Variants in LILRA2 observed in about 807,000 individuals in gnomAD.
LILRA2 encodes leukocyte immunoglobulin-like receptor subfamily A member 2.
In LILRA2, 45 loss-of-function variants were observed where a neutral mutation model predicts 47.9. The ratio of observed to expected loss-of-function variants is 0.94; its 90% CI spans 0.74 to 1.20. The LOEUF is 1.20. Among genes scored for constraint, LILRA2 ranks in the 50% most tolerant of loss-of-function variants. The pLI is 0.00. For missense variants in LILRA2, 651 were observed against 598.2 expected (o/e 1.09, Z -0.92); for synonymous variants, 279 against 249.2 (o/e 1.12, Z -1.13).
At chr19:54,584,168 TG>T (rs2062727602) in intron 6 of LILRA2, among the ~76,000 whole-genome samples, 1 of 152,242 alleles carries the variant, frequency 6.6e-6, no homozygotes, top group Admixed American at 6.5e-5. Context: ...CTTTTCTTTT[TG>T]GGTAACCAGA....
At chr19:54,585,515 C>G (rs913627933) in intron 6 of LILRA2, among the ~76,000 whole-genome samples, 1 of 152,252 alleles carries the variant, frequency 6.6e-6, no homozygotes, top group African/African-American at 2.4e-5. Context: ...GCCCTTCCCT[C>G]CATCCAGCTG....
At chr19:54,578,728 C>T (rs532462730) in intron 6 of LILRA2, among the ~76,000 whole-genome samples, 1 of 152,320 alleles carries the variant, frequency 6.6e-6, no homozygotes, top group South Asian at 2.1e-4. Flanking sequence ...AACTAATTTA[C>T]ACTCCCACCA....
chr19:54,573,546 G>A, upstream of LILRA2: 2 of 797,560 alleles, frequency 2.5e-6, no homozygotes, highest in East Asian at 2.6e-5. Flanking sequence ...ATCTGGAAGG[G>A]CAGACGCAGG....
chr19:54,573,602 T>G (rs2062215759), upstream of LILRA2: 2 of 775,784 alleles, frequency 2.6e-6, no homozygotes, highest in South Asian at 3.3e-5. Context: ...CTCAAGGAGA[T>G]GAGGATAAAC....
Position 54,590,020 on chromosome 19 carries a change from A to G in LILRA2, c.*2674A>G, listed in dbSNP as rs2062899872. On this transcript the variant is annotated 3_prime_UTR_variant, in exon 8 of 8. Coordinates refer to ENST00000391738, the MANE Select transcript of LILRA2 (RefSeq NM_001130917.3). ...TATTCTAGATATCGTTTGCTCTATC[A>G]TAGTTAAGACATTAATGTTATTTAT... 6.6e-6 allele frequency: 1 copy of G among 152,118 alleles called. No individual in the cohort carries two copies. The highest frequency in any genetic ancestry group is 2.4e-5 in the African/African-American group (1 of 41,456). The allele number at this position is 152,118 out of a possible 1,614,324, so 9.4% of individuals were successfully genotyped here.
In LILRA2 at chr19:54,588,456, A is replaced by G. The variant is rs1273825958; in HGVS notation, c.*1110A>G. On this transcript the variant is annotated 3_prime_UTR_variant, in exon 8 of 8. Coordinates refer to ENST00000391738, the MANE Select transcript of LILRA2 (RefSeq NM_001130917.3). Reference sequence around the variant, plus strand: ...GTCTCTACTAAATACACAAAAAAATATTGGCCGGGCGTGGTGGTGGGCGCC... The same window carrying G: ...GTCTCTACTAAATACACAAAAAAATGTTGGCCGGGCGTGGTGGTGGGCGCC... The G allele has an allele frequency of 2.6e-5, 4 of 151,934 alleles. No individual in the cohort carries two copies. Among genetic ancestry groups the G allele is most frequent in the African/African-American group, 9.6e-5 (4 of 41,462 alleles). 9.4% of individuals were successfully genotyped at this position (151,934 alleles called of 1,614,324 possible). A position where few individuals can be genotyped will look rare whatever the true frequency, so the allele number is the denominator to read the frequency against.
intron 6 of LILRA2, among the ~76,000 whole-genome samples, chr19:54,576,561 G>T (rs193265155): frequency 2.6e-4 from 40 of 152,218 alleles, no homozygotes; most frequent in African/African-American, 8.7e-4. Flanking sequence ...CAGGGCAGCA[G>T]CGGGGAGGGT....
At chr19:54,583,470 A>G (rs747766039) in intron 6 of LILRA2, among the ~76,000 whole-genome samples, 1 of 152,158 alleles carries the variant, frequency 6.6e-6, no homozygotes, top group Non-Finnish European at 1.5e-5. Flanking sequence ...TATTGGGTGC[A>G]TATATATTTA....
rs760632674 is a variant in LILRA2 at position 54,575,894 on chromosome 19, G to C, written c.1040G>C (p.Arg347Pro). Residue 347 changes from arginine to proline, a missense_variant, in exon 6 of 8, where the codon CGG becomes CCG. Arg to Pro is a moderately radical substitution (Grantham distance 103). Transcript: ENST00000391738. Reference protein sequence around the residue: ...GKNVTLLCQSRGQFHTFLLTK... With the variant: ...GKNVTLLCQSPGQFHTFLLTK... ...AACGTGACCCTGCTGTGTCAGTCAC[G>C]GGGGCAGTTCCACACTTTCCTTCTG... 8.1e-6 allele frequency: 13 copies of C among 1,610,704 alleles called. No homozygotes were observed. Among genetic ancestry groups the C allele is most frequent in the Middle Eastern group, 1.6e-4 (1 of 6,070 alleles).
intron 6 of LILRA2, 149 bp from the exon 7 acceptor site, chr19:54,586,861 G>T: frequency 1.8e-6 from 1 of 557,886 alleles, no homozygotes; most frequent in Non-Finnish European, 3.2e-6. Flanking sequence ...AATTCAATGA[G>T]GAGACTGGAG....
chr19:54,575,247 T>C lies in LILRA2; in HGVS notation c.656-9T>C. On this transcript the variant is annotated splice_polypyrimidine_tract_variant and intron_variant, in intron 4 of 7. Transcript: ENST00000391738. Reference sequence around the variant, plus strand: ...TCGGCTCCTGGAAACCATGAACACCTTTTCCCAGGTGTTTCTAAGAAGCCA... The same window carrying C: ...TCGGCTCCTGGAAACCATGAACACCCTTTCCCAGGTGTTTCTAAGAAGCCA... The C allele has an allele frequency of 1.2e-6, 2 of 1,602,038 alleles. No homozygotes were observed. The highest frequency in any genetic ancestry group is 1.7e-6 in the Non-Finnish European group (2 of 1,172,240).
At chr19:54,575,223 C>G in intron 4 of LILRA2, 33 bp from the exon 5 acceptor site, 2 of 1,579,594 alleles carry the variant, frequency 1.3e-6, no homozygotes, top group Non-Finnish European at 1.7e-6. Context: ...GCCTGAGGGT[C>G]GGCTCCTGGA....
At chr19:54,583,163 C>T (rs996469838) in intron 6 of LILRA2, among the ~76,000 whole-genome samples, 23 of 152,140 alleles carry the variant, frequency 1.5e-4, no homozygotes, top group Non-Finnish European at 2.8e-4. Context: ...GATTTCTGTT[C>T]TTTTACATTT....
In LILRA2 at chr19:54,587,321, G is replaced by A; in HGVS notation, c.1427G>A (p.Ser476Asn). 6.2e-7 allele frequency: 1 copy of A among 1,614,162 alleles called. No individual in the cohort carries two copies. Among genetic ancestry groups the A allele is most frequent in the Non-Finnish European group, 8.5e-7 (1 of 1,180,036 alleles). Residue 476 changes from serine to asparagine, a missense_variant, in exon 8 of 8, where the codon AGC becomes AAC. Coordinates refer to ENST00000391738, the MANE Select transcript of LILRA2 (RefSeq NM_001130917.3). Reference sequence around the variant, plus strand: ...TTTGAGGCTCAGCACAGCCAGAGAAGCCTACAAGATGCAGCCGGGAGGTGA... The same window carrying A: ...TTTGAGGCTCAGCACAGCCAGAGAAACCTACAAGATGCAGCCGGGAGGTGA... ...LLFEAQHSQRSLQDAAGR is the reference protein window; with the variant it reads ...LLFEAQHSQRNLQDAAGR
rs1329538080 is a variant in LILRA2 at position 54,588,851 on chromosome 19, G to A, written c.*1505G>A. ...GGCTATTTTTTGTATTTTTAGTAGA[G>A]ACGGGGGTCTCGCCATGTTAGTGAG... is the stretch of plus-strand genomic sequence containing the variant. On this transcript the variant is annotated 3_prime_UTR_variant, in exon 8 of 8. Coordinates refer to ENST00000391738, the MANE Select transcript of LILRA2 (RefSeq NM_001130917.3). The A allele has an allele frequency of 2.0e-5, 3 of 151,880 alleles. No homozygotes were observed. Among genetic ancestry groups the A allele is most frequent in the African/African-American group, 7.3e-5 (3 of 41,364 alleles). The allele number at this position is 151,880 out of a possible 1,614,324, so 9.4% of individuals were successfully genotyped here. A position where few individuals can be genotyped will look rare whatever the true frequency, so the allele number is the denominator to read the frequency against.
chr19:54,574,346 T>G lies in LILRA2; in HGVS notation c.116T>G (p.Ile39Ser). ...PTLWAEPGSV[I>S]IQGSPVTLRC... ...CTCTGGGCTGAGCCAGGCTCTGTGATCATCCAGGGAAGTCCTGTGACCCTC... is the reference window on the plus strand; with the variant it reads ...CTCTGGGCTGAGCCAGGCTCTGTGAGCATCCAGGGAAGTCCTGTGACCCTC... Residue 39 changes from isoleucine to serine, a missense_variant, in exon 3 of 8, where the codon ATC (isoleucine) becomes AGC (serine). Physicochemically the swap from Ile to Ser is moderately radical, Grantham distance 142 (BLOSUM62 -2). Transcript: ENST00000391738. The G allele has an allele frequency of 6.2e-7, 1 of 1,614,258 alleles. No homozygotes were observed. The highest frequency in any genetic ancestry group is 8.5e-7 in the Non-Finnish European group (1 of 1,180,036).
In LILRA2 at chr19:54,575,771, G is replaced by T. The variant is rs756474372; in HGVS notation, c.953-36G>T. 28 of 1,611,218 alleles carry T rather than the reference G, an allele frequency of 1.7e-5. No homozygotes were observed. The South Asian group carries it at 2.9e-4, about 16-fold the overall frequency. On this transcript the variant is annotated intron_variant, in intron 5 of 7. Transcript: ENST00000391738. ...TGGGGAGGTCTCAGCTCAGAACAAG[G>T]TGGGGCAGCCCCTCACCCATCCTTC...
chr19:54,586,628 G>A (rs1213465748), intron 6 of LILRA2, among the ~76,000 whole-genome samples: 1 of 152,122 alleles, frequency 6.6e-6, no homozygotes, highest in African/African-American at 2.4e-5. Flanking sequence ...GGGGAGCATT[G>A]GCTTCTGTGG....
rs756007388 is a variant in LILRA2 at position 54,586,659 on chromosome 19, G to GC, written c.1256-349dup. On this transcript the variant is annotated intron_variant, in intron 6 of 7. Transcript: ENST00000391738. ...TGTGGTCCTGCACCTGCTCCTTGCA[G>GC]CCAGTTAGGGCTCAGAGAGGACACA... 3.7e-3 allele frequency among the ~76,000 whole-genome samples: 559 copies of GC among 152,234 alleles called. No homozygotes were observed. In the South Asian group the frequency reaches 0.073, roughly 20 times the overall value.
Sources: allele counts gnomAD v4.1 joint callset (sites outside exome capture counted in the v4.1 genomes callset), GRCh38; gene constraint gnomAD v4.1.1; transcripts MANE v1.5; gene names NCBI Gene and HGNC (gene_info 2026-07-23, HGNC 2026-07-21).